PTPRS: variants seen among roughly 807,000 people sequenced by gnomAD.
PTPRS encodes the protein receptor-type tyrosine-protein phosphatase S.
In PTPRS, 63 loss-of-function variants were observed where a neutral mutation model predicts 215.3. The observed-to-expected ratio is 0.29, with a 90% CI of 0.24 to 0.36. The LOEUF is 0.36. PTPRS is among the 10% of genes least tolerant of loss of function. The pLI is 1.00. For synonymous variants in PTPRS, 1,404 were observed against 1,191.4 expected (o/e 1.18, Z -3.68); for missense variants, 2,258 against 2,825.8 (o/e 0.80, Z 4.56).
At chr19:5,289,978 C>A (rs2048675135) in intron 1 of PTPRS, among the ~76,000 whole-genome samples, 1 of 152,244 alleles carries the variant, frequency 6.6e-6, no homozygotes, top group South Asian at 2.1e-4. Context: ...CTTGCCACTG[C>A]CAAGAAAGGG....
chr19:5,251,789 A>C (rs1204060100), intron 9 of PTPRS, among the ~76,000 whole-genome samples: 1 of 152,050 alleles, frequency 6.6e-6, no homozygotes, highest in East Asian at 1.9e-4. Context: ...TGGGATGAGA[A>C]GGTCTGGGTC....
intron 9 of PTPRS, chr19:5,251,074 T>TC (rs1243398191): frequency 6.9e-6 from 1 of 145,012 alleles, no homozygotes; most frequent in Non-Finnish European, 1.4e-5. Flanking sequence ...TTGTGCAGCC[T>TC]CCGGGGGGTT....
intron 10 of PTPRS, 32 bp downstream of exon 10, chr19:5,245,744 C>T (rs376943300): frequency 1.3e-6 from 2 of 1,536,988 alleles, no homozygotes; most frequent in African/African-American, 2.7e-5. Context: ...CAGCCTGCCC[C>T]TCCACCTACG....
At chr19:5,337,643 G>A (rs1350761434) in intron 1 of PTPRS, among the ~76,000 whole-genome samples, 1 of 152,204 alleles carries the variant, frequency 6.6e-6, no homozygotes, top group African/African-American at 2.4e-5. Context: ...ACCAGGTCTG[G>A]GGAAACCCAG....
intron 1 of PTPRS, among the ~76,000 whole-genome samples, chr19:5,321,820 GTCC>G (rs1376710623): frequency 6.6e-6 from 1 of 151,950 alleles, no homozygotes; most frequent in Non-Finnish European, 1.5e-5. Flanking sequence ...GCCCTGAGAT[GTCC>G]TCATTTTACA....
At chr19:5,231,258 G>C in intron 14 of PTPRS, 52 bp downstream of exon 14, 1 of 1,526,962 alleles carries the variant, frequency 6.5e-7, no homozygotes, top group Non-Finnish European at 8.8e-7. Flanking sequence ...GCTTCGAGGC[G>C]GGGGCCGGGC....
At position 5,222,578 on chromosome 19, in the gene PTPRS, G is replaced by A. The variant is rs532205951; in HGVS notation, c.3103+111C>T. ...GTCCGGACTTGCCTTGAGTGACCACGAGGAAGCAGAAAAGTGAGCACTTAC... is the reference window on the plus strand; with the variant it reads ...GTCCGGACTTGCCTTGAGTGACCACAAGGAAGCAGAAAAGTGAGCACTTAC... On this transcript the variant is annotated intron_variant, in intron 18 of 37. Transcript: ENST00000262963. 20 of 1,258,808 alleles carry A rather than the reference G, an allele frequency of 1.6e-5. No individual in the cohort carries two copies. The South Asian group carries it at 1.8e-4, about 11-fold the overall frequency. The allele number at this position is 1,258,808 out of a possible 1,614,324, so 78.0% of individuals were successfully genotyped here. A position where few individuals can be genotyped will look rare whatever the true frequency, so the allele number is the denominator to read the frequency against.
chr19:5,210,795 C>A lies in PTPRS; in HGVS notation c.5245G>T (p.Ala1749Ser), dbSNP rs1329808872. 2 of 1,613,736 alleles carry A rather than the reference C, an allele frequency of 1.2e-6. No individual in the cohort carries two copies. Among genetic ancestry groups the A allele is most frequent in the Non-Finnish European group, 1.7e-6 (2 of 1,179,996 alleles). Residue 1749 changes from alanine (A) to serine (S), a missense_variant, in exon 34 of 38, where the codon GCC (alanine) becomes TCC (serine). By Grantham distance (99) the Ala-to-Ser change is moderately conservative. This residue lies in a region of PTPRS where 927 missense variants were observed against 1,125.9 expected (regional missense o/e 0.82). Transcript: ENST00000262963. The surrounding 1 kb of genome is among the most constrained non-coding windows in gnomAD (Gnocchi z 4.5). Reference sequence around the variant, plus strand: ...AGCGGCCCCTGTGTCGCGATGTAGGCCTTCTGCTGCCTGCAGGCGTTGGGG... The same window carrying A: ...AGCGGCCCCTGTGTCGCGATGTAGGACTTCTGCTGCCTGCAGGCGTTGGGG... ...SFIDGYRQQK[A>S]YIATQGPLAE...
At chr19:5,285,706 A>G (rs2048292589) in intron 2 of PTPRS, among the ~76,000 whole-genome samples, 1 of 152,226 alleles carries the variant, frequency 6.6e-6, no homozygotes, top group Admixed American at 6.5e-5. Context: ...GGAAGGTAAC[A>G]GAACTGGCAC....
At chr19:5,289,189 G>A (rs1374664825) in intron 1 of PTPRS, among the ~76,000 whole-genome samples, 4 of 152,088 alleles carry the variant, frequency 2.6e-5, no homozygotes, top group Admixed American at 6.5e-5. Flanking sequence ...TCCTCCCACC[G>A]ACTCCTGCTT....
chr19:5,256,238 TTG>T (rs2045546002), intron 8 of PTPRS, 119 bp from the exon 9 acceptor site: 3 of 741,526 alleles, frequency 4.0e-6, no homozygotes, highest in Middle Eastern at 5.3e-4. Context: ...CAATAGTTTG[TTG>T]TTTTTTTTTT....
intron 10 of PTPRS, 85 bp downstream of exon 10, chr19:5,245,691 C>T: frequency 2.0e-6 from 3 of 1,485,412 alleles, no homozygotes; most frequent in Non-Finnish European, 8.9e-7. Context: ...CGGAGGTGCT[C>T]CCACGCTGCC....
intron 1 of PTPRS, among the ~76,000 whole-genome samples, chr19:5,314,784 A>AT (rs60073329): frequency 0.2 from 30,226 of 151,988 alleles, 3,519 homozygotes; most frequent in African/African-American, 0.32. Context: ...AGAGCTGAAG[A>AT]TTCGAGACAT....
intron 1 of PTPRS, among the ~76,000 whole-genome samples, chr19:5,291,701 A>G (rs2048832551): frequency 6.6e-6 from 1 of 151,702 alleles, no homozygotes; most frequent in Non-Finnish European, 1.5e-5. Context: ...CAGCTGGCCC[A>G]TGGTCAGTTC....
At chr19:5,325,133 T>C (rs2050135816) in intron 1 of PTPRS, among the ~76,000 whole-genome samples, 1 of 152,238 alleles carries the variant, frequency 6.6e-6, no homozygotes, top group Admixed American at 6.5e-5. Flanking sequence ...TTCTTATCTA[T>C]GACACCTGCC....
Position 5,215,504 on chromosome 19 carries a change from C to T in PTPRS, c.4188G>A (p.Glu1396=). ...GAGGCGGGGGTGGGCTCACCTCATACTCCTGGGAGAGCTTGAGGCTGTCGT... is the reference window on the plus strand; with the variant it reads ...GAGGCGGGGGTGGGCTCACCTCATATTCCTGGGAGAGCTTGAGGCTGTCGT... ...KANDSLKLSQ[E]YESIDPGQQF... Residue 1396 remains glutamate, a synonymous_variant, in exon 27 of 38, where the codon GAG becomes GAA. Transcript: ENST00000262963. 1.2e-6 allele frequency: 2 copies of T among 1,611,164 alleles called. No individual in the cohort carries two copies. The highest frequency in any genetic ancestry group is 1.1e-5 in the South Asian group (1 of 90,868).
In PTPRS at chr19:5,215,344, G is replaced by C. The variant is rs1382106579; in HGVS notation, c.4263C>G (p.Arg1421=). The change falls in exon 28 of 38, where the codon CGC becomes CGG. Residue 1421 remains arginine, a synonymous_variant. Transcript: ENST00000262963. ...SNLEVNKPKN[R]YANVIAYDHS... Reference sequence around the variant, plus strand: ...GGTCATAGGCGATGACGTTGGCATAGCGGTTCTTCGGCTTGTTCACTTCCA... The same window carrying C: ...GGTCATAGGCGATGACGTTGGCATACCGGTTCTTCGGCTTGTTCACTTCCA... The C allele has an allele frequency of 4.3e-6, 7 of 1,614,062 alleles. No individual in the cohort carries two copies. The highest frequency in any genetic ancestry group is 5.9e-6 in the Non-Finnish European group (7 of 1,180,036).
In PTPRS at chr19:5,293,965, G is replaced by T. The variant is rs1266327782; in HGVS notation, c.-94-7731C>A. Among the ~76,000 whole-genome samples the T allele has an allele frequency of 6.6e-6, 1 of 152,198 alleles. No homozygotes were observed. Among genetic ancestry groups the T allele is most frequent in the African/African-American group, 2.4e-5 (1 of 41,448 alleles). ...GAGGGAGGGGCAGACCTGTCCGGGCGGCCAATCCGAGCCAGCGTTGCGCCC... is the reference window on the plus strand; with the variant it reads ...GAGGGAGGGGCAGACCTGTCCGGGCTGCCAATCCGAGCCAGCGTTGCGCCC... On this transcript the variant is annotated intron_variant, in intron 1 of 37. Coordinates refer to ENST00000262963, the MANE Select transcript of PTPRS (RefSeq NM_002850.4). This position sits in a 1 kb window ranked among gnomAD's most constrained non-coding sequence, Gnocchi z 8.4.
rs1442731364 is a variant in PTPRS at position 5,229,553 on chromosome 19, T to C, written c.2287A>G (p.Met763Val). ...GGCCCGCGGGCCTCGGCGCCCTCCA[T>C]GCGCACGTAGTGGACCTGGTAGCCG... is the stretch of plus-strand genomic sequence containing the variant. ...IRGYQVHYVR[M>V]EGAEARGPPR... is the part of the protein sequence containing the mutation. Residue 763 changes from methionine to valine, a missense_variant, in exon 15 of 38, where the codon ATG (methionine) becomes GTG (valine). By Grantham distance (21) the Met-to-Val change is conservative. This residue lies in a region of PTPRS where 371 missense variants were observed against 446.7 expected (regional missense o/e 0.83). Transcript: ENST00000262963. 1.4e-6 allele frequency: 2 copies of C among 1,465,848 alleles called. No individual in the cohort carries two copies. Among genetic ancestry groups the C allele is most frequent in the East Asian group, 3.0e-5 (1 of 32,828 alleles). 90.8% of individuals were successfully genotyped at this position (1,465,848 alleles called of 1,614,324 possible). A position where few individuals can be genotyped will look rare whatever the true frequency, so the allele number is the denominator to read the frequency against.
Sources: allele counts gnomAD v4.1 joint callset (sites outside exome capture counted in the v4.1 genomes callset), GRCh38; gene constraint gnomAD v4.1.1; regional missense constraint gnomAD v4.1.1; non-coding constraint Gnocchi (gnomAD v3.1); transcripts MANE v1.5; gene names NCBI Gene and HGNC (gene_info 2026-07-23, HGNC 2026-07-21).